The following CNTLN variants were observed in gnomAD, a reference collection of about 807,000 sequenced individuals.
The protein encoded by CNTLN is centlein, centrosomal protein.
Under a neutral mutation model 180.0 loss-of-function variants are expected in CNTLN, and 212 were observed. That is an observed-to-expected ratio of 1.18 (90% CI 1.05 to 1.32). The LOEUF is 1.32. CNTLN is among the 40% of genes most tolerant of loss of function. The probability of loss-of-function intolerance (pLI) is 0.00; values close to 1 mark genes in which losing one functional copy is unlikely to be tolerated. For missense variants in CNTLN, 2,095 were observed against 1,610.9 expected, an observed-to-expected ratio of 1.30 and a Z score of -5.14; for synonymous variants, 722 against 563.1, an observed-to-expected ratio of 1.28 and a Z score of -3.99.
At chr9:17,440,445 C>A (rs141523697) in intron 18 of CNTLN, among the ~76,000 whole-genome samples, 3 of 150,208 alleles carry the variant, frequency 2.0e-5, no homozygotes, top group Admixed American at 6.6e-5. Flanking sequence ...AAAAATGAGC[C>A]GGGCGTAGTG....
intron 14 of CNTLN, 30 bp downstream of exon 14, chr9:17,388,283 G>T (rs748292581): frequency 7.0e-7 from 1 of 1,424,308 alleles, no homozygotes; most frequent in Admixed American, 1.7e-5. Flanking sequence ...ATTGAGCTGA[G>T]CAAGTTAAAT....
intron 2 of CNTLN, among the ~76,000 whole-genome samples, chr9:17,220,404 A>T (rs1824051035): frequency 6.6e-6 from 1 of 152,112 alleles, no homozygotes; most frequent in South Asian, 2.1e-4. Context: ...CTAACCGTAC[A>T]GTTTTTTTAA....
intron 25 of CNTLN, among the ~76,000 whole-genome samples, chr9:17,502,131 C>T (rs1314541307): frequency 6.6e-6 from 1 of 152,158 alleles, no homozygotes; most frequent in Non-Finnish European, 1.5e-5. Context: ...GGCTCTAACG[C>T]AGACATGTGG....
intron 5 of CNTLN, among the ~76,000 whole-genome samples, chr9:17,251,067 A>G (rs993439153): frequency 6.6e-6 from 1 of 151,980 alleles, no homozygotes; most frequent in African/African-American, 2.4e-5. Context: ...TAAATATGTT[A>G]TCTCAGTGCC....
chr9:17,290,011 T>G (rs1829259816), intron 6 of CNTLN, among the ~76,000 whole-genome samples: 1 of 152,176 alleles, frequency 6.6e-6, no homozygotes. Context: ...TCTCAGCTCG[T>G]CAGAATCATT....
chr9:17,496,575 A>G (rs1564153865), intron 25 of CNTLN, among the ~76,000 whole-genome samples: 1 of 152,228 alleles, frequency 6.6e-6, no homozygotes, highest in Non-Finnish European at 1.5e-5. Context: ...TTGGGGGAAC[A>G]CAAGCATTTA....
chr9:17,387,970 C>T (rs1350635971), intron 13 of CNTLN, among the ~76,000 whole-genome samples, 192 bp from the exon 14 acceptor site: 1 of 144,694 alleles, frequency 6.9e-6, no homozygotes, highest in African/African-American at 2.5e-5. Flanking sequence ...AAAGGTGGCA[C>T]TACAAAGATA....
chr9:17,232,357 T>G (rs964727613), intron 3 of CNTLN, among the ~76,000 whole-genome samples: 3 of 151,982 alleles, frequency 2.0e-5, no homozygotes, highest in Non-Finnish European at 4.4e-5. Context: ...GCTTTTTAAT[T>G]TACAGATTGA....
intron 2 of CNTLN, among the ~76,000 whole-genome samples, chr9:17,223,699 G>C (rs1587233551): frequency 6.6e-6 from 1 of 151,674 alleles, no homozygotes. Context: ...TTTCTCCCTT[G>C]ACCCTTAAGG....
chr9:17,292,041 T>A (rs1442586621), intron 6 of CNTLN, among the ~76,000 whole-genome samples: 1 of 152,236 alleles, frequency 6.6e-6, no homozygotes, highest in Non-Finnish European at 1.5e-5. Context: ...AGTATTTTAT[T>A]TTTCCTTAGC....
chr9:17,456,398 T>C (rs1008625157), intron 18 of CNTLN, among the ~76,000 whole-genome samples: 1 of 152,190 alleles, frequency 6.6e-6, no homozygotes, highest in Non-Finnish European at 1.5e-5. Context: ...GCATACTTTT[T>C]ATGTTACCAA....
chr9:17,342,430 G>A lies in CNTLN; in HGVS notation c.1872G>A (p.Glu624=). The change falls in exon 12 of 26, where the codon GAG becomes GAA. Residue 624 remains glutamate (E), a synonymous_variant. Transcript: ENST00000380647. The part of the protein sequence containing the change: ...ELAYFKRENQ[E]LMIQKMNLEE... ...CATATTTCAAAAGGGAAAACCAGGA[G>A]CTAATGATTCAAAAGTGAGTTTCAT... 1.9e-6 allele frequency: 3 copies of A among 1,601,116 alleles called. No individual in the cohort carries two copies. The African/African-American group carries it at 4.0e-5, about 22-fold the overall frequency.
intron 25 of CNTLN, among the ~76,000 whole-genome samples, chr9:17,492,466 C>T (rs1833218103): frequency 6.6e-6 from 1 of 152,070 alleles, no homozygotes; most frequent in Admixed American, 6.6e-5. Context: ...TTGAAGTTAG[C>T]AGTACTATTT....
At chr9:17,142,654 G>C (rs1424061793) in intron 1 of CNTLN, among the ~76,000 whole-genome samples, 2 of 152,136 alleles carry the variant, frequency 1.3e-5, no homozygotes, top group African/African-American at 4.8e-5. Context: ...TCTCAACCCA[G>C]AGTGCACAGA....
chr9:17,248,669 G>T (rs139259067), intron 5 of CNTLN, among the ~76,000 whole-genome samples: 48 of 145,900 alleles, frequency 3.3e-4, no homozygotes, highest in African/African-American at 1.0e-3. Context: ...GCTGTTTTAT[G>T]TATATAGAGA....
chr9:17,223,888 A>G (rs1824300514), intron 2 of CNTLN, among the ~76,000 whole-genome samples: 1 of 151,920 alleles, frequency 6.6e-6, no homozygotes, highest in Non-Finnish European at 1.5e-5. Flanking sequence ...TTTACTATAA[A>G]TGTGTGTACT....
chr9:17,504,374 C>T (rs55750433), downstream of CNTLN, among the ~76,000 whole-genome samples: 19,082 of 152,098 alleles, frequency 0.13, 1,615 homozygotes, highest in Middle Eastern at 0.2. Flanking sequence ...CTCATTACGA[C>T]AGAATTTTAT....
chr9:17,337,200 T>C (rs1313790286), intron 10 of CNTLN, among the ~76,000 whole-genome samples: 1 of 152,202 alleles, frequency 6.6e-6, no homozygotes, highest in Non-Finnish European at 1.5e-5. Context: ...TTGTAGATTC[T>C]GGATATTAGC....
intron 2 of CNTLN, among the ~76,000 whole-genome samples, chr9:17,164,992 T>A (rs1819967723): frequency 6.6e-6 from 1 of 151,488 alleles, no homozygotes; most frequent in Non-Finnish European, 1.5e-5. Flanking sequence ...CCTGCCATGA[T>A]GCCCGGCTAA....
Sources: gnomAD v4.1 joint callset for allele counts (sites outside exome capture counted in the v4.1 genomes callset) on GRCh38, gnomAD v4.1.1 for gene constraint, MANE v1.5 for transcripts, NCBI Gene and HGNC (gene_info 2026-07-23, HGNC 2026-07-21) for gene names.